Variants in PNISR observed in about 807,000 individuals in gnomAD.
PNISR encodes the protein arginine/serine-rich protein PNISR.
In PNISR, 20 loss-of-function variants were observed where a neutral mutation model predicts 93.4. The observed-to-expected ratio is 0.21, with a 90% CI of 0.15 to 0.31. PNISR has a LOEUF of 0.31. Ranked by LOEUF, PNISR falls within the 10% of genes least tolerant of loss-of-function variation. The probability of loss-of-function intolerance (pLI) is 1.00; values close to 1 mark genes in which losing one functional copy is unlikely to be tolerated. For synonymous variants in PNISR, 305 were observed against 306.5 expected (o/e 0.99, Z 0.05); for missense variants, 893 against 985.4 (o/e 0.91, Z 1.25).
rs17059526 is a variant in PNISR, at chr6:99,412,441, A to T, written c.277+110T>A. ...CAAATTGAAAACTGCCTATTCTTTA[A>T]GAAGCATTAATTTCCAGAAGTCATA... On this transcript the variant is annotated intron_variant, in intron 4 of 11. Transcript: ENST00000369239. The T allele has an allele frequency of 9.9e-3, 7,813 of 788,684 alleles. 404 individuals carry two copies. In the African/African-American group the frequency reaches 0.12, roughly 12 times the overall value. 48.9% of individuals were successfully genotyped at this position (788,684 alleles called of 1,614,324 possible).
intron 3 of PNISR, among the ~76,000 whole-genome samples, 178 bp from the exon 4 acceptor site, chr6:99,412,917 T>A (rs934349574): frequency 3.3e-5 from 5 of 152,214 alleles, no homozygotes; most frequent in African/African-American, 4.8e-5. Flanking sequence ...AAGCATACTG[T>A]GTCTGAAAGG....
At chr6:99,418,710 A>C (rs1194948601) in intron 1 of PNISR, among the ~76,000 whole-genome samples, 1 of 152,222 alleles carries the variant, frequency 6.6e-6, no homozygotes, top group Admixed American at 6.5e-5. Flanking sequence ...AATACAGTAA[A>C]GAAGGTGATG....
At chr6:99,407,196 T>C (rs1776269527) in intron 7 of PNISR, among the ~76,000 whole-genome samples, 1 of 152,044 alleles carries the variant, frequency 6.6e-6, no homozygotes. Context: ...GGTGTGCGCC[T>C]GTAGCCCTAG....
chr6:99,401,107 A>G lies in PNISR; in HGVS notation c.1851T>C (p.Arg617=). ...RRNRSPSRER[R]RSRSRSRDRR... is the part of the protein sequence containing the mutation. ...TATCCCTTGAGCGACTTCTACTTCTACGTCTCTCTCGGGAAGGACTCCGAT... is the reference window on the plus strand; with the variant it reads ...TATCCCTTGAGCGACTTCTACTTCTGCGTCTCTCTCGGGAAGGACTCCGAT... Residue 617 remains arginine, a synonymous_variant, in exon 12 of 12, where the codon CGT becomes CGC. Transcript: ENST00000369239. 1 of 1,613,664 alleles carries G rather than the reference A, an allele frequency of 6.2e-7. No individual in the cohort carries two copies. The highest frequency in any genetic ancestry group is 8.5e-7 in the Non-Finnish European group (1 of 1,179,958).
intron 4 of PNISR, chr6:99,411,811 GTAGAGA>G (rs1776970361): frequency 1.4e-5 from 1 of 72,744 alleles, no homozygotes; most frequent in South Asian, 3.6e-4. Flanking sequence ...TTTTTTTTTT[GTAGAGA>G]CAGGGCCTTG....
At position 99,414,520 on chromosome 6, in the gene PNISR, C is replaced by T. The variant is rs376126316; in HGVS notation, c.88+52G>A. The T allele has an allele frequency of 5.5e-6, 5 of 901,994 alleles. No individual in the cohort carries two copies. The African/African-American group carries it at 8.2e-5, about 15-fold the overall frequency. The allele number at this position is 901,994 out of a possible 1,614,324, so 55.9% of individuals were successfully genotyped here. ...CCTTAATCCCATCATGTGTCTTCTA[C>T]CCATTTCCACATATCCAACCCCGCC... On this transcript the variant is annotated intron_variant, in intron 3 of 11. Transcript: ENST00000369239.
chr6:99,408,046 T>C (rs1173840849), intron 7 of PNISR, 35 bp downstream of exon 7: 13 of 1,483,018 alleles, frequency 8.8e-6, no homozygotes, highest in African/African-American at 2.8e-5. Flanking sequence ...AACCAAGATT[T>C]TCACATGGAG....
intron 1 of PNISR, among the ~76,000 whole-genome samples, chr6:99,424,128 G>A (rs1488194150): frequency 6.6e-6 from 1 of 152,134 alleles, no homozygotes; most frequent in Non-Finnish European, 1.5e-5. Flanking sequence ...CTGAGAAACT[G>A]TCACAGCCAA....
Position 99,401,187 on chromosome 6 carries a change from T to G in PNISR, c.1771A>C (p.Ile591Leu). The G allele has an allele frequency of 6.2e-7, 1 of 1,614,152 alleles. No individual in the cohort carries two copies. The stretch of plus-strand genomic sequence containing the variant: ...CTATTAGATCTCCTTCTATCTCTAA[T>G]CTTTACCCTAGCCCTATTGCTCTCT... ...KIESNRARVK[I>L]RDRRRSNRNS... The change falls in exon 12 of 12, where the codon ATT (isoleucine) becomes CTT (leucine). Residue 591 changes from isoleucine to leucine, a missense_variant. Physicochemically the swap from Ile to Leu is conservative, Grantham distance 5 (BLOSUM62 2). Transcript: ENST00000369239.
At position 99,400,616 on chromosome 6, in the gene PNISR, G is replaced by T; in HGVS notation, c.2342C>A (p.Ser781Ter). 6.2e-7 allele frequency: 1 copy of T among 1,614,010 alleles called. No homozygotes were observed. Among genetic ancestry groups the T allele is most frequent in the Non-Finnish European group, 8.5e-7 (1 of 1,179,988 alleles). ...KKAKKPKHSR[S>*]RSVEKSQRSG... ...CCTTTGAGATTTCTCCACGGATCGCGATCGACTATGTTTAGGCTTCTTAGC... is the reference window on the plus strand; with the variant it reads ...CCTTTGAGATTTCTCCACGGATCGCTATCGACTATGTTTAGGCTTCTTAGC... The change falls in exon 12 of 12, where the codon TCG becomes TAG. Residue 781 changes from serine (S) to a stop codon, truncating the protein, a stop_gained. Coordinates refer to ENST00000369239, the MANE Select transcript of PNISR (RefSeq NM_032870.4). LOFTEE classifies it high-confidence loss of function.
At chr6:99,412,908 A>T (rs1248570854) in intron 3 of PNISR, among the ~76,000 whole-genome samples, 169 bp from the exon 4 acceptor site, 1 of 152,222 alleles carries the variant, frequency 6.6e-6, no homozygotes, top group African/African-American at 2.4e-5. Flanking sequence ...TAAATATTAA[A>T]GCATACTGTG....
In PNISR at chr6:99,400,110, T is replaced by C. The variant is rs1775277003; in HGVS notation, c.*430A>G. 6.4e-6 allele frequency: 1 copy of C among 156,338 alleles called. No individual in the cohort carries two copies. The highest frequency in any genetic ancestry group is 2.0e-4 in the South Asian group (1 of 4,962). The allele number at this position is 156,338 out of a possible 1,614,324, so 9.7% of individuals were successfully genotyped here. A position where few individuals can be genotyped will look rare whatever the true frequency, so the allele number is the denominator to read the frequency against. ...AAAAAAACGTAATACAAAGAAATCC[T>C]ATTAAGTAACTTGGAGCAGCATTGG... is the stretch of plus-strand genomic sequence containing the variant. On this transcript the variant is annotated 3_prime_UTR_variant, in exon 12 of 12. Transcript: ENST00000369239.
intron 1 of PNISR, among the ~76,000 whole-genome samples, chr6:99,422,232 A>C (rs1362889244): frequency 6.6e-6 from 1 of 152,200 alleles, no homozygotes; most frequent in East Asian, 1.9e-4. Context: ...TGAGAATTAA[A>C]ATGTGGTATT....
intron 5 of PNISR, chr6:99,409,998 G>A (rs1776699345): frequency 6.6e-6 from 1 of 152,118 alleles, no homozygotes; most frequent in Non-Finnish European, 1.5e-5. Flanking sequence ...TTATTAATGA[G>A]AGGATTACCA....
intron 1 of PNISR, among the ~76,000 whole-genome samples, chr6:99,418,767 G>A (rs1778081571): frequency 6.6e-6 from 1 of 152,210 alleles, no homozygotes; most frequent in Admixed American, 6.5e-5. Flanking sequence ...CTTTAATTAA[G>A]TCTGGAGTTG....
chr6:99,398,321 T>C lies in PNISR; in HGVS notation c.*2219A>G, dbSNP rs550041006. ...AAAGATTTCATAACCAAATTATACATCTAATTAACTTATGTGTAAGTTTTT... is the reference window on the plus strand; with the variant it reads ...AAAGATTTCATAACCAAATTATACACCTAATTAACTTATGTGTAAGTTTTT... On this transcript the variant is annotated 3_prime_UTR_variant, in exon 12 of 12. Transcript: ENST00000369239. 4.6e-5 allele frequency: 7 copies of C among 152,274 alleles called. No individual in the cohort carries two copies. The South Asian group carries it at 1.4e-3, about 32-fold the overall frequency. 9.4% of individuals were successfully genotyped at this position (152,274 alleles called of 1,614,324 possible). A position where few individuals can be genotyped will look rare whatever the true frequency, so the allele number is the denominator to read the frequency against.
At chr6:99,407,183 C>T (rs1333150874) in intron 7 of PNISR, among the ~76,000 whole-genome samples, 1 of 151,504 alleles carries the variant, frequency 6.6e-6, no homozygotes, top group Admixed American at 6.6e-5. Flanking sequence ...AGGTGGGAGT[C>T]GTGGTGTGCG....
intron 4 of PNISR, 75 bp from the exon 5 acceptor site, chr6:99,411,039 G>A: frequency 1.8e-6 from 2 of 1,129,014 alleles, no homozygotes; most frequent in Admixed American, 4.0e-5. Context: ...AAGATCTCAA[G>A]AAAGATTTTT....
chr6:99,406,802 T>A (rs969700492), intron 7 of PNISR, among the ~76,000 whole-genome samples: 2 of 152,188 alleles, frequency 1.3e-5, no homozygotes, highest in Admixed American at 1.3e-4. Flanking sequence ...CATGTGACCC[T>A]TTCCTTTGTC....
Sources: gnomAD v4.1 joint callset for allele counts (sites outside exome capture counted in the v4.1 genomes callset) on GRCh38, gnomAD v4.1.1 for gene constraint, MANE v1.5 for transcripts, NCBI Gene and HGNC (gene_info 2026-07-23, HGNC 2026-07-21) for gene names.